The following USF3 variants were observed in gnomAD, a reference collection of about 807,000 sequenced individuals.
USF3 encodes the protein basic helix-loop-helix domain-containing protein USF3.
USF3 carries 29 observed loss-of-function variants against 157.5 expected under a neutral mutation model. That is an observed-to-expected ratio of 0.18 (90% CI 0.14 to 0.25). The LOEUF (loss-of-function observed/expected upper bound fraction) is 0.25. Ranked by LOEUF, USF3 falls within the 10% of genes least tolerant of loss-of-function variation. USF3 has a pLI of 1.00. For missense variants in USF3, 2,381 were observed against 2,667.6 expected, an observed-to-expected ratio of 0.89 and a Z score of 2.37; for synonymous variants, 893 against 941.4, an observed-to-expected ratio of 0.95 and a Z score of 0.94.
intron 1 of USF3, among the ~76,000 whole-genome samples, chr3:113,683,697 G>C (rs1707487635): frequency 6.6e-6 from 1 of 151,892 alleles, no homozygotes; most frequent in Non-Finnish European, 1.5e-5. Flanking sequence ...TTGATCTCTT[G>C]ACCTCGTGAT....
chr3:113,656,226 A>G lies in USF3; in HGVS notation c.5456T>C (p.Phe1819Ser). Residue 1819 changes from phenylalanine to serine, a missense_variant, in exon 7 of 7, where the codon TTC becomes TCC. This residue lies in a region of USF3 where 770 missense variants were observed against 824.2 expected (regional missense o/e 0.93). Coordinates refer to ENST00000316407, the MANE Select transcript of USF3 (RefSeq NM_001009899.4). The stretch of plus-strand genomic sequence containing the variant: ...GTGAGGGGCAAGTAAGCTCTGCATG[A>G]AACTTTGGTGACAAGTATTTTCACT... The part of the protein sequence containing the change: ...RDSENTCHQS[F>S]MQSLLAPHLS... 6.2e-7 allele frequency: 1 copy of G among 1,614,198 alleles called. No individual in the cohort carries two copies. The highest frequency in any genetic ancestry group is 1.7e-5 in the Admixed American group (1 of 60,018).
chr3:113,657,533 T>C lies in USF3; in HGVS notation c.4149A>G (p.Ser1383=). The change falls in exon 7 of 7, where the codon TCA becomes TCG. Residue 1383 remains serine, a synonymous_variant. Transcript: ENST00000316407. The stretch of plus-strand genomic sequence containing the variant: ...GGTTGCTAACAGGCACAACTGAGTT[T>C]GAAGAATTAGGAGGGATCTGACTGA... ...MMVSQIPPNS[S]NSVVPVSNPA... is the part of the protein sequence containing the mutation. 6.2e-7 allele frequency: 1 copy of C among 1,614,124 alleles called. No homozygotes were observed. The highest frequency in any genetic ancestry group is 8.5e-7 in the Non-Finnish European group (1 of 1,180,030).
chr3:113,676,985 A>G (rs898179793), intron 2 of USF3, among the ~76,000 whole-genome samples: 2 of 152,200 alleles, frequency 1.3e-5, no homozygotes, highest in African/African-American at 4.8e-5. Flanking sequence ...TTAGCTTTAA[A>G]TGTTAGTGAG....
In USF3 at chr3:113,670,129, G is replaced by A; in HGVS notation, c.151C>T (p.Leu51=). ...ATGAGTAGACTTCTTACCTGCTTCA[G>A]GGCAGGAGAACATGGGATCAGCTCT... is the stretch of plus-strand genomic sequence containing the variant. The part of the protein sequence containing the change: ...IGELIPCSPA[L]KQSKNMILDQ... The change falls in exon 5 of 7, where the codon CTG becomes TTG. Residue 51 remains leucine (L), a synonymous_variant. Transcript: ENST00000316407. 1.2e-6 allele frequency: 2 copies of A among 1,608,804 alleles called. No individual in the cohort carries two copies. Among genetic ancestry groups the A allele is most frequent in the Non-Finnish European group, 1.7e-6 (2 of 1,175,188 alleles).
intron 1 of USF3, among the ~76,000 whole-genome samples, chr3:113,691,265 C>T (rs980259961): frequency 6.6e-6 from 1 of 152,188 alleles, no homozygotes; most frequent in Admixed American, 6.5e-5. Context: ...GACCTTGCAA[C>T]TCCCCACAGG....
intron 1 of USF3, among the ~76,000 whole-genome samples, chr3:113,689,440 G>A (rs1269777177): frequency 2.0e-5 from 3 of 152,168 alleles, no homozygotes; most frequent in African/African-American, 4.8e-5. Context: ...TACATTTACC[G>A]TAAATCCTAT....
chr3:113,664,515 C>A (rs540601794), intron 5 of USF3, 106 bp from the exon 6 acceptor site: 1 of 554,806 alleles, frequency 1.8e-6, no homozygotes, highest in Non-Finnish European at 3.2e-6. Flanking sequence ...TACGTATCTT[C>A]TCAAAATTTA....
rs532148652 is a variant in USF3, at chr3:113,654,475, T to C, written c.*469A>G. 6.5e-6 allele frequency: 1 copy of C among 153,904 alleles called. No individual in the cohort carries two copies. The highest frequency in any genetic ancestry group is 1.4e-5 in the Non-Finnish European group (1 of 69,270). 9.5% of individuals were successfully genotyped at this position (153,904 alleles called of 1,614,324 possible). On this transcript the variant is annotated 3_prime_UTR_variant, in exon 7 of 7. Coordinates refer to ENST00000316407, the MANE Select transcript of USF3 (RefSeq NM_001009899.4). Reference sequence around the variant, plus strand: ...CATTAAACTCAACATCAGTTCAACATCTGTCATAGGTAAGAAGCTGTTCTA... The same window carrying C: ...CATTAAACTCAACATCAGTTCAACACCTGTCATAGGTAAGAAGCTGTTCTA...
At position 113,649,578 on chromosome 3, in the gene USF3, C is replaced by A; in HGVS notation, c.*5366G>T. On this transcript the variant is annotated 3_prime_UTR_variant, in exon 7 of 7. Coordinates refer to ENST00000316407, the MANE Select transcript of USF3 (RefSeq NM_001009899.4). ...AGAATGGTAAGGCAACAGTGAGAAA[C>A]ATCAGCTGTACTTGTCGAGAAGGTG... The A allele has an allele frequency of 5.4e-6, 2 of 370,776 alleles. No homozygotes were observed. Among genetic ancestry groups the A allele is most frequent in the Non-Finnish European group, 9.6e-6 (2 of 208,888 alleles). 23.0% of individuals were successfully genotyped at this position (370,776 alleles called of 1,614,324 possible).
At chr3:113,679,009 G>GTC (rs373834496) in intron 1 of USF3, among the ~76,000 whole-genome samples, 16,634 of 144,034 alleles carry the variant, frequency 0.12, 1,170 homozygotes, top group Non-Finnish European at 0.17. Flanking sequence ...CCAGGCTGGT[G>GTC]TCTCTCTCTC....
chr3:113,660,616 G>T lies in USF3; in HGVS notation c.1066C>A (p.Pro356Thr). The T allele has an allele frequency of 6.2e-7, 1 of 1,614,178 alleles. No individual in the cohort carries two copies. Among genetic ancestry groups the T allele is most frequent in the South Asian group, 1.1e-5 (1 of 91,088 alleles). ...QPPRTAGDSSPMSISKSADLT... is the reference protein window; with the variant it reads ...QPPRTAGDSSTMSISKSADLT... Reference sequence around the variant, plus strand: ...TCTGCACTCTTACTAATGCTCATTGGAGAAGAATCACCTGCAGTTCTGGGA... The same window carrying T: ...TCTGCACTCTTACTAATGCTCATTGTAGAAGAATCACCTGCAGTTCTGGGA... Residue 356 changes from proline to threonine, a missense_variant, in exon 7 of 7, where the codon CCA becomes ACA. Physicochemically the swap from Pro to Thr is conservative, Grantham distance 38. This residue lies in a region of USF3 where 1,435 missense variants were observed against 1,550.9 expected (regional missense o/e 0.93). Coordinates refer to ENST00000316407, the MANE Select transcript of USF3 (RefSeq NM_001009899.4).
At position 113,654,708 on chromosome 3, in the gene USF3, TA is replaced by T. The variant is rs1366112959; in HGVS notation, c.*235del. 9 of 495,586 alleles carry T rather than the reference TA, an allele frequency of 1.8e-5. No homozygotes were observed. The highest frequency in any genetic ancestry group is 3.8e-5 in the Admixed American group (1 of 26,360). 30.7% of individuals were successfully genotyped at this position (495,586 alleles called of 1,614,324 possible). A position where few individuals can be genotyped will look rare whatever the true frequency, so the allele number is the denominator to read the frequency against. ...TTTAGGAAATATCAACTTGGAAATG[TA>T]AATCTACTTGGAAAATAAAAAAGTA... On this transcript the variant is annotated 3_prime_UTR_variant, in exon 7 of 7. Transcript: ENST00000316407.
Position 113,658,476 on chromosome 3 carries a change from G to C in USF3, c.3206C>G (p.Pro1069Arg). The C allele has an allele frequency of 6.2e-7, 1 of 1,613,974 alleles. No individual in the cohort carries two copies. Residue 1069 changes from proline to arginine, a missense_variant, in exon 7 of 7, where the codon CCT becomes CGT. Physicochemically the swap from Pro to Arg is moderately radical, Grantham distance 103. Transcript: ENST00000316407. ...AGAACCATTAATAACCTCTTGATCA[G>C]GGAGGCAGGAATGATGCTGTGGAGG... The part of the protein sequence containing the change: ...RDPPQHHSCL[P>R]DQEVINGSLI...
chr3:113,660,202 C>T lies in USF3; in HGVS notation c.1480G>A (p.Val494Ile), dbSNP rs562106623. The T allele has an allele frequency of 8.7e-6, 14 of 1,614,208 alleles. No homozygotes were observed. Among genetic ancestry groups the T allele is most frequent in the Admixed American group, 5.0e-5 (3 of 60,024 alleles). The change falls in exon 7 of 7, where the codon GTA becomes ATA. Residue 494 changes from valine (V) to isoleucine (I), a missense_variant. Val to Ile is a conservative substitution (Grantham distance 29). Transcript: ENST00000316407. ...FPADGQPVEQ[V>I]VVTLPSCPSL... The stretch of plus-strand genomic sequence containing the variant: ...GGACAAGAAGGCAATGTTACAACTA[C>T]TTGCTCAACTGGCTGCCCATCTGCT...
chr3:113,680,744 T>C (rs1435554311), intron 1 of USF3, among the ~76,000 whole-genome samples: 13 of 149,564 alleles, frequency 8.7e-5, no homozygotes. Context: ...GAGGTTGCAG[T>C]GAGCCAAGAT....
chr3:113,656,899 G>A lies in USF3; in HGVS notation c.4783C>T (p.His1595Tyr). 6.2e-7 allele frequency: 1 copy of A among 1,614,160 alleles called. No homozygotes were observed. Among genetic ancestry groups the A allele is most frequent in the Non-Finnish European group, 8.5e-7 (1 of 1,180,024 alleles). Residue 1595 changes from histidine to tyrosine, a missense_variant, in exon 7 of 7, where the codon CAT becomes TAT. His to Tyr is a moderately conservative substitution (Grantham distance 83). Around this residue, in one of 6 missense-constraint regions of USF3, gnomAD observed 770 missense variants for 824.2 expected, o/e 0.93. Coordinates refer to ENST00000316407, the MANE Select transcript of USF3 (RefSeq NM_001009899.4). Reference protein sequence around the residue: ...SRNHHNHPQNHLNQDIMHQQQ... With the variant: ...SRNHHNHPQNYLNQDIMHQQQ... ...TGGTGCATAATATCTTGATTGAGAT[G>A]GTTCTGGGGATGGTTATGATGGTTC...
chr3:113,651,847 T>C lies in USF3; in HGVS notation c.*3097A>G, dbSNP rs189854781. 5.9e-5 allele frequency: 9 copies of C among 152,266 alleles called. No individual in the cohort carries two copies. In the East Asian group the frequency reaches 1.5e-3, roughly 26 times the overall value. The allele number at this position is 152,266 out of a possible 1,614,324, so 9.4% of individuals were successfully genotyped here. ...TCCTCAGATGGTCAAATAAGGCTTA[T>C]TGAGACTCTTTCAAGATCAAAATGT... On this transcript the variant is annotated 3_prime_UTR_variant, in exon 7 of 7. Transcript: ENST00000316407.
chr3:113,655,496 A>T lies in USF3; in HGVS notation c.6186T>A (p.Asn2062Lys). The change falls in exon 7 of 7, where the codon AAT becomes AAA. Residue 2062 changes from asparagine (N) to lysine (K), a missense_variant. This residue lies in a region of USF3 where 770 missense variants were observed against 824.2 expected (regional missense o/e 0.93). Transcript: ENST00000316407. ...SGPDQHTLSQ[N>K]FGFSFIPEGG... ...CCTCAGGAATAAAAGAAAAACCAAA[A>T]TTTTGTGATAGTGTATGCTGGTCAG... 1 of 1,614,082 alleles carries T rather than the reference A, an allele frequency of 6.2e-7. No individual in the cohort carries two copies.
rs374900971 is a variant in USF3 at position 113,657,464 on chromosome 3, G to C, written c.4218C>G (p.Asn1406Lys). The C allele has an allele frequency of 1.8e-5, 29 of 1,614,012 alleles. No individual in the cohort carries two copies. The highest frequency in any genetic ancestry group is 2.4e-5 in the Non-Finnish European group (28 of 1,180,038). ...GCCTCAATGCAGGAGTCACAAAGTT[G>C]TTACTAGGTGGAAATAATCGTGTAA... is the stretch of plus-strand genomic sequence containing the variant. ...DGLTRLFPPS[N>K]NFVTPALRQT... The change falls in exon 7 of 7, where the codon AAC becomes AAG. Residue 1406 changes from asparagine (N) to lysine (K), a missense_variant. Asn to Lys is a moderately conservative substitution (Grantham distance 94, BLOSUM62 0). Coordinates refer to ENST00000316407, the MANE Select transcript of USF3 (RefSeq NM_001009899.4).
Sources: gnomAD v4.1 joint callset for allele counts (sites outside exome capture counted in the v4.1 genomes callset) on GRCh38, gnomAD v4.1.1 for gene constraint, gnomAD v4.1.1 regional missense constraint, MANE v1.5 for transcripts, NCBI Gene and HGNC (gene_info 2026-07-23, HGNC 2026-07-21) for gene names.